Variants in SUCLA2 observed in about 807,000 individuals in gnomAD.
The protein encoded by SUCLA2 is succinate-CoA ligase ADP-forming subunit beta.
A neutral mutation model predicts 54.8 loss-of-function variants in SUCLA2; 30 were observed. The ratio of observed to expected loss-of-function variants is 0.55; its 90% CI spans 0.41 to 0.74. SUCLA2 has a LOEUF of 0.74. Ranked by LOEUF, SUCLA2 falls within the 30% of genes least tolerant of loss-of-function variation. SUCLA2 has a pLI of 0.00. For missense variants in SUCLA2, 476 were observed against 562.9 expected (o/e 0.85, Z 1.56); for synonymous variants, 172 against 188.9 (o/e 0.91, Z 0.74).
intron 4 of SUCLA2, among the ~76,000 whole-genome samples, chr13:47,973,740 A>G (rs1949986587): frequency 6.6e-6 from 1 of 152,184 alleles, no homozygotes; most frequent in Admixed American, 6.5e-5. Context: ...CACATATACC[A>G]TGGAATACTA....
chr13:47,947,643 T>A (rs534917470), intron 10 of SUCLA2, among the ~76,000 whole-genome samples: 3 of 152,260 alleles, frequency 2.0e-5, no homozygotes, highest in East Asian at 3.9e-4. Context: ...TTTGATGAAA[T>A]TAAACACCTA....
At chr13:47,957,778 C>T (rs185272586) in intron 6 of SUCLA2, among the ~76,000 whole-genome samples, 39 of 152,084 alleles carry the variant, frequency 2.6e-4, no homozygotes, top group African/African-American at 7.7e-4. Flanking sequence ...TTGTGGGTAC[C>T]GGACAGTTGG....
At chr13:47,997,051 A>G in intron 1 of SUCLA2, 28 bp from the exon 2 acceptor site, 1 of 1,613,348 alleles carries the variant, frequency 6.2e-7, no homozygotes, top group Non-Finnish European at 8.5e-7. Context: ...ATATTTATAT[A>G]TGACAGTGAT....
intron 4 of SUCLA2, among the ~76,000 whole-genome samples, chr13:47,975,820 G>T (rs1950007588): frequency 6.6e-6 from 1 of 152,162 alleles, no homozygotes; most frequent in Non-Finnish European, 1.5e-5. Context: ...CTAAGGAGAT[G>T]ACTCAGGTGG....
Position 47,948,963 on chromosome 13 carries a change from C to A in SUCLA2, c.1294G>T (p.Asp432Tyr). 6.2e-7 allele frequency: 1 copy of A among 1,613,816 alleles called. No individual in the cohort carries two copies. The highest frequency in any genetic ancestry group is 1.1e-5 in the South Asian group (1 of 91,062). The change falls in exon 10 of 11, where the codon GAC becomes TAC. Residue 432 changes from aspartate (D) to tyrosine (Y), a missense_variant. Coordinates refer to ENST00000646932, the MANE Select transcript of SUCLA2 (RefSeq NM_003850.3). ...DSGLKILACD[D>Y]LDEAARMVVK... ...ACCATTCTAGCAGCTTCATCCAAGT[C>A]ATCACAAGCAAGTATTTTAAGTCCA...
At chr13:47,989,025 A>G in intron 2 of SUCLA2, 44 bp from the exon 3 acceptor site, 1 of 1,551,962 alleles carries the variant, frequency 6.4e-7, no homozygotes, top group Non-Finnish European at 8.9e-7. Flanking sequence ...ATGGAGCAGC[A>G]TGCCAGACAT....
chr13:47,981,347 T>C (rs1426986362), intron 4 of SUCLA2, among the ~76,000 whole-genome samples: 2 of 152,158 alleles, frequency 1.3e-5, no homozygotes, highest in Non-Finnish European at 2.9e-5. Flanking sequence ...AAATGGCCTG[T>C]AAGCATATGA....
chr13:47,991,165 C>T (rs1950146625), intron 2 of SUCLA2, among the ~76,000 whole-genome samples: 1 of 152,224 alleles, frequency 6.6e-6, no homozygotes, highest in Admixed American at 6.5e-5. Flanking sequence ...AGCAGGCACA[C>T]CATTCCTCTA....
rs77027862 is a variant in SUCLA2 at position 47,996,697 on chromosome 13, A to G, written c.271+146T>C. 0.016 allele frequency: 9,449 copies of G among 605,878 alleles called. 362 individuals carry two copies. The highest frequency in any genetic ancestry group is 0.1 in the East Asian group (3,208 of 31,592). The allele number at this position is 605,878 out of a possible 1,614,324, so 37.5% of individuals were successfully genotyped here. ...TAATAATAATTTTAGAATTTCAATAATAATAAAGTTCTACCTTCTATTTTA... is the reference window on the plus strand; with the variant it reads ...TAATAATAATTTTAGAATTTCAATAGTAATAAAGTTCTACCTTCTATTTTA... On this transcript the variant is annotated intron_variant, in intron 2 of 10. Transcript: ENST00000646932.
At chr13:47,966,768 C>T (rs1949922770) in intron 6 of SUCLA2, among the ~76,000 whole-genome samples, 1 of 150,242 alleles carries the variant, frequency 6.7e-6, no homozygotes, top group Non-Finnish European at 1.5e-5. Context: ...TTAATCCCAG[C>T]ACTTCAGGAG....
intron 6 of SUCLA2, among the ~76,000 whole-genome samples, chr13:47,955,479 A>C (rs1434620293): frequency 1.3e-5 from 2 of 152,176 alleles, no homozygotes; most frequent in Non-Finnish European, 2.9e-5. Flanking sequence ...TGAGATTAAA[A>C]GTGTGAGCAA....
At chr13:47,980,649 GA>G (rs1344100314) in intron 4 of SUCLA2, among the ~76,000 whole-genome samples, 1 of 147,712 alleles carries the variant, frequency 6.8e-6, no homozygotes, top group Non-Finnish European at 1.5e-5. Context: ...ACAATCTCGA[GA>G]AAAAAAAAGA....
rs77955244 is a variant in SUCLA2 at position 47,954,627 on chromosome 13, T to C, written c.803-70A>G. On this transcript the variant is annotated intron_variant, in intron 6 of 10. Transcript: ENST00000646932. The stretch of plus-strand genomic sequence containing the variant: ...TACAATAAAGTATCAAATAGTCAAA[T>C]GGTCTTTCATTTAGGGAAAAGACAC... 6.5e-3 allele frequency: 9,820 copies of C among 1,500,444 alleles called. 495 individuals carry two copies. The African/African-American group carries it at 0.11, about 17-fold the overall frequency. 92.9% of individuals were successfully genotyped at this position (1,500,444 alleles called of 1,614,324 possible). A position where few individuals can be genotyped will look rare whatever the true frequency, so the allele number is the denominator to read the frequency against.
At chr13:47,943,931 G>A (rs988566266) in intron 10 of SUCLA2, among the ~76,000 whole-genome samples, 2 of 151,862 alleles carry the variant, frequency 1.3e-5, no homozygotes, top group Non-Finnish European at 2.9e-5. Context: ...CTACTAGTTA[G>A]TATTTTACTT....
intron 6 of SUCLA2, among the ~76,000 whole-genome samples, chr13:47,960,374 C>G (rs781428576): frequency 6.6e-6 from 1 of 152,094 alleles, no homozygotes; most frequent in Non-Finnish European, 1.5e-5. Context: ...TTGCTTACCT[C>G]TGATGATCTA....
chr13:47,990,247 T>C (rs571007582), intron 2 of SUCLA2, among the ~76,000 whole-genome samples: 7 of 151,994 alleles, frequency 4.6e-5, no homozygotes, highest in African/African-American at 1.2e-4. Flanking sequence ...ACTTGGGAGG[T>C]TGAGGCACAA....
intron 4 of SUCLA2, among the ~76,000 whole-genome samples, chr13:47,985,412 A>G (rs1290902315): frequency 1.4e-5 from 1 of 70,828 alleles, no homozygotes; most frequent in South Asian, 4.7e-4. Flanking sequence ...GACAGGCCCC[A>G]GTGTGTGTTG....
chr13:47,984,147 C>G (rs1950080659), intron 4 of SUCLA2, among the ~76,000 whole-genome samples: 2 of 151,924 alleles, frequency 1.3e-5, no homozygotes, highest in African/African-American at 4.8e-5. Context: ...AATTTCATTT[C>G]AAGCAAGTAG....
chr13:47,986,860 G>A (rs1434527381), intron 4 of SUCLA2, among the ~76,000 whole-genome samples: 4 of 152,112 alleles, frequency 2.6e-5, no homozygotes, highest in East Asian at 1.9e-4. Context: ...CCATGCATGG[G>A]ACATTAACTC....
Sources: gnomAD v4.1 joint callset for allele counts (sites outside exome capture counted in the v4.1 genomes callset) on GRCh38, gnomAD v4.1.1 for gene constraint, MANE v1.5 for transcripts, NCBI Gene and HGNC (gene_info 2026-07-23, HGNC 2026-07-21) for gene names.